Variants in GALNT13 observed in about 807,000 individuals in gnomAD.
The protein encoded by GALNT13 is polypeptide N-acetylgalactosaminyltransferase 13, also known as UDP-GalNAc:polypeptide N-acetylgalactosaminyltransferase 13.
In GALNT13, 28 loss-of-function variants were observed where a neutral mutation model predicts 64.2. That is an observed-to-expected ratio of 0.44 (90% CI 0.32 to 0.60). The LOEUF (loss-of-function observed/expected upper bound fraction) is 0.60. GALNT13 is among the 20% of genes least tolerant of loss of function. The pLI is 0.05. For synonymous variants in GALNT13, 214 were observed against 224.6 expected, an observed-to-expected ratio of 0.95 and a Z score of 0.42; for missense variants, 577 against 669.8, an observed-to-expected ratio of 0.86 and a Z score of 1.53.
At chr2:153,743,852 C>T in the GALNT13 span, among the ~76,000 whole-genome samples, 1 of 152,208 alleles carries the variant, frequency 6.6e-6, no homozygotes, top group South Asian at 2.1e-4. Context: ...AGCCATCTTT[C>T]TTTCTACTCT....
intron 9 of GALNT13, among the ~76,000 whole-genome samples, chr2:154,383,752 A>C (rs1698383928): frequency 6.6e-6 from 1 of 151,908 alleles, no homozygotes; most frequent in Admixed American, 6.6e-5. Flanking sequence ...ATTTTTCATA[A>C]ACTTATTGCT....
chr2:154,090,575 TA>T (rs1184871498), intron 3 of GALNT13, among the ~76,000 whole-genome samples: 2 of 152,054 alleles, frequency 1.3e-5, no homozygotes, highest in Non-Finnish European at 2.9e-5. Context: ...CAGTCTGTTT[TA>T]AAATAACCTC....
At chr2:153,280,842 T>C in the GALNT13 span, among the ~76,000 whole-genome samples, 145 of 152,286 alleles carry the variant, frequency 9.5e-4, no homozygotes, top group African/African-American at 3.3e-3. Flanking sequence ...TATTTGGTAG[T>C]TGATGGATGG....
chr2:153,348,580 A>G, the GALNT13 span, among the ~76,000 whole-genome samples: 5 of 152,316 alleles, frequency 3.3e-5, no homozygotes, highest in East Asian at 7.7e-4. Context: ...TTCTAACCAA[A>G]GGATGGTATA....
the GALNT13 span, among the ~76,000 whole-genome samples, chr2:153,277,743 T>C: frequency 2.6e-5 from 4 of 151,464 alleles, no homozygotes. Flanking sequence ...ATAATGGCCA[T>C]TCTGACTCAT....
At chr2:153,945,763 G>A (rs1309540967) in intron 3 of GALNT13, among the ~76,000 whole-genome samples, 2 of 152,046 alleles carry the variant, frequency 1.3e-5, no homozygotes, top group East Asian at 3.9e-4. Context: ...GTTTGCTTTA[G>A]ATTGCAAATC....
intron 4 of GALNT13, among the ~76,000 whole-genome samples, chr2:154,173,307 A>G (rs1205444490): frequency 1.3e-5 from 2 of 151,852 alleles, no homozygotes; most frequent in South Asian, 4.1e-4. Context: ...ATTTCTCACT[A>G]TACACAAAAA....
At chr2:153,075,341 G>A in the GALNT13 span, among the ~76,000 whole-genome samples, 2 of 152,146 alleles carry the variant, frequency 1.3e-5, no homozygotes, top group Non-Finnish European at 2.9e-5. Context: ...TCCATCTTGT[G>A]TGTGTACTGA....
chr2:153,203,931 A>C, the GALNT13 span, among the ~76,000 whole-genome samples: 1 of 152,194 alleles, frequency 6.6e-6, no homozygotes, highest in African/African-American at 2.4e-5. Context: ...AGACAGTGAA[A>C]AGTATGAGAA....
the GALNT13 span, among the ~76,000 whole-genome samples, chr2:153,246,705 A>G: frequency 6.6e-6 from 1 of 152,220 alleles, no homozygotes; most frequent in African/African-American, 2.4e-5. Flanking sequence ...CCCAAAATAT[A>G]AAGACCAATG....
At chr2:154,345,602 A>C (rs1185427527) in intron 9 of GALNT13, among the ~76,000 whole-genome samples, 1 of 152,028 alleles carries the variant, frequency 6.6e-6, no homozygotes, top group Non-Finnish European at 1.5e-5. Flanking sequence ...AGAAAGGGTG[A>C]TATGCTAGAC....
At chr2:153,609,524 C>A in the GALNT13 span, among the ~76,000 whole-genome samples, 16 of 152,070 alleles carry the variant, frequency 1.1e-4, no homozygotes, top group African/African-American at 2.7e-4. Context: ...TGATGTGAGA[C>A]CTTGCCTTTT....
At chr2:153,555,802 G>T in the GALNT13 span, among the ~76,000 whole-genome samples, 9 of 152,160 alleles carry the variant, frequency 5.9e-5, no homozygotes, top group African/African-American at 2.2e-4. Context: ...TTTAAAATTT[G>T]TAACTTAGCC....
chr2:153,121,413 A>G, the GALNT13 span, among the ~76,000 whole-genome samples: 2 of 152,236 alleles, frequency 1.3e-5, no homozygotes, highest in Admixed American at 1.3e-4. Flanking sequence ...TTACAGTAAT[A>G]CTTGAATATA....
the GALNT13 span, among the ~76,000 whole-genome samples, chr2:153,183,708 C>G: frequency 6.6e-6 from 1 of 152,146 alleles, no homozygotes; most frequent in Non-Finnish European, 1.5e-5. Flanking sequence ...TCTTGCAGCA[C>G]CATTTATTAA....
chr2:154,231,102 C>T (rs1036887204), intron 4 of GALNT13, among the ~76,000 whole-genome samples: 2 of 152,044 alleles, frequency 1.3e-5, no homozygotes, highest in Non-Finnish European at 2.9e-5. Context: ...ATTTGACTTG[C>T]TCCTTTCCTC....
At chr2:153,228,584 G>T in the GALNT13 span, among the ~76,000 whole-genome samples, 1 of 152,070 alleles carries the variant, frequency 6.6e-6, no homozygotes, top group Non-Finnish European at 1.5e-5. Context: ...GAGATGTTAA[G>T]AATGTAGATA....
the GALNT13 span, among the ~76,000 whole-genome samples, chr2:153,456,980 G>A: frequency 6.6e-6 from 1 of 152,182 alleles, no homozygotes; most frequent in Non-Finnish European, 1.5e-5. Flanking sequence ...AGCAGATCTG[G>A]TGCTGTCACA....
the GALNT13 span, among the ~76,000 whole-genome samples, chr2:153,504,595 G>A: frequency 2.6e-5 from 4 of 152,102 alleles, no homozygotes; most frequent in South Asian, 2.1e-4. Flanking sequence ...AATCATAAAC[G>A]GATGCTGGAT....
Sources: gnomAD v4.1 joint callset for allele counts (sites outside exome capture counted in the v4.1 genomes callset) on GRCh38, gnomAD v4.1.1 for gene constraint, MANE v1.5 for transcripts, NCBI Gene and HGNC (gene_info 2026-07-23, HGNC 2026-07-21) for gene names.